The following SLC6A20 variants were observed in gnomAD, a reference collection of about 807,000 sequenced individuals.
SLC6A20 encodes solute carrier family 6 member 20.
In SLC6A20, 73 loss-of-function variants were observed where a neutral mutation model predicts 64.3. The ratio of observed to expected loss-of-function variants is 1.14; its 90% CI spans 0.94 to 1.38. The LOEUF (loss-of-function observed/expected upper bound fraction) is 1.38. Among genes scored for constraint, SLC6A20 ranks in the 40% most tolerant of loss-of-function variants. The pLI, the probability that SLC6A20 is intolerant of heterozygous loss-of-function variation, is 0.00. For synonymous variants in SLC6A20, 347 were observed against 329.6 expected (o/e 1.05, Z -0.57); for missense variants, 725 against 772.8 (o/e 0.94, Z 0.73).
intron 7 of SLC6A20, among the ~76,000 whole-genome samples, chr3:45,766,759 C>T (rs1699783563): frequency 6.6e-6 from 1 of 152,200 alleles, no homozygotes; most frequent in Non-Finnish European, 1.5e-5. Flanking sequence ...TAGGTGTTCA[C>T]GAACCAGGAA....
intron 5 of SLC6A20, 40 bp downstream of exon 5, chr3:45,772,465 G>T: frequency 1.3e-6 from 2 of 1,562,416 alleles, no homozygotes; most frequent in Admixed American, 3.6e-5. Context: ...GGCAGGATAA[G>T]TGAGGGGTGC....
chr3:45,760,095 C>A (rs886198188), intron 9 of SLC6A20, 73 bp from the exon 10 acceptor site: 2 of 1,496,906 alleles, frequency 1.3e-6, no homozygotes, highest in Non-Finnish European at 1.8e-6. Context: ...CTTGCCTGTC[C>A]CTATTCACAA....
chr3:45,772,734 C>T (rs775909622), intron 4 of SLC6A20, 119 bp from the exon 5 acceptor site: 132 of 775,156 alleles, frequency 1.7e-4, no homozygotes, highest in Non-Finnish European at 1.9e-4. Context: ...CTGCTGACAG[C>T]TGGAAAAGGC....
In SLC6A20 at chr3:45,775,847, C is replaced by T. The variant is rs1266890354; in HGVS notation, c.496G>A (p.Val166Met). 6.2e-7 allele frequency: 1 copy of T among 1,614,070 alleles called. No homozygotes were observed. Among genetic ancestry groups the T allele is most frequent in the Non-Finnish European group, 8.5e-7 (1 of 1,180,046 alleles). The stretch of plus-strand genomic sequence containing the variant: ...AGGCACAGCGCCGGCTCCCACTGCA[C>T]ACCCCCGTTCTCCTGGAGGGACGGC... The part of the protein sequence containing the change: ...ISPSLQENGG[V>M]QWEPALCLLL... Residue 166 changes from valine to methionine, a missense_variant, in exon 4 of 11, where the codon GTG becomes ATG. Coordinates refer to ENST00000358525, the MANE Select transcript of SLC6A20 (RefSeq NM_020208.4).
Position 45,775,946 on chromosome 3 carries a change from T to C in SLC6A20, c.397A>G (p.Thr133Ala). 1 of 1,614,172 alleles carries C rather than the reference T, an allele frequency of 6.2e-7. No individual in the cohort carries two copies. Among genetic ancestry groups the C allele is most frequent in the Non-Finnish European group, 8.5e-7 (1 of 1,180,022 alleles). The change falls in exon 4 of 11, where the codon ACG becomes GCG. Residue 133 changes from threonine to alanine, a missense_variant. By Grantham distance (58) the Thr-to-Ala change is moderately conservative. Coordinates refer to ENST00000358525, the MANE Select transcript of SLC6A20 (RefSeq NM_020208.4). ...TTCTCACACTCCTCATCGTAGCCCG[T>C]GTGGTTACCATTCAGTGGGCAGACA... Reference protein sequence around the residue: ...WSVCPLNGNHTGYDEECEKAS... With the variant: ...WSVCPLNGNHAGYDEECEKAS...
Position 45,763,036 on chromosome 3 carries a change from A to G in SLC6A20, c.1340T>C (p.Val447Ala). The G allele has an allele frequency of 6.2e-7, 1 of 1,614,144 alleles. No individual in the cohort carries two copies. The highest frequency in any genetic ancestry group is 1.1e-5 in the South Asian group (1 of 91,080). ...GTAGTTCCCAGCCTCCATCGTGAAC[A>G]CCATGCCAATGGCACAGTTGACAAG... ...VCLVNCAIGM[V>A]FTMEAGNYWF... Residue 447 changes from valine to alanine, a missense_variant, in exon 9 of 11, where the codon GTG becomes GCG. By Grantham distance (64) the Val-to-Ala change is moderately conservative (BLOSUM62 0). Transcript: ENST00000358525.
intron 9 of SLC6A20, among the ~76,000 whole-genome samples, chr3:45,760,696 G>A (rs1699661164): frequency 6.6e-6 from 1 of 152,194 alleles, no homozygotes; most frequent in Admixed American, 6.5e-5. Context: ...GTTAGCAGCA[G>A]CACAACAGCA....
In SLC6A20 at chr3:45,784,177, G is replaced by T. The variant is rs142569429; in HGVS notation, c.122-1954C>A. 4.4e-3 allele frequency among the ~76,000 whole-genome samples: 677 copies of T among 152,282 alleles called. 5 individuals carry two copies. Among genetic ancestry groups the T allele is most frequent in the Middle Eastern group, 0.014 (4 of 294 alleles). ...CCAAGTGGGAACATGGGGGCTGTTT[G>T]GCCCTAGGCATTAATCATTTCTGTC... On this transcript the variant is annotated intron_variant, in intron 1 of 10. Transcript: ENST00000358525.
intron 3 of SLC6A20, among the ~76,000 whole-genome samples, 172 bp downstream of exon 3, chr3:45,779,837 G>A (rs576225473): frequency 6.6e-6 from 1 of 152,364 alleles, no homozygotes; most frequent in African/African-American, 2.4e-5. Context: ...GGGTTCAGAA[G>A]CCCTTCACGT....
In SLC6A20 at chr3:45,781,954, C is replaced by A. The variant is rs1042941380; in HGVS notation, c.262+129G>T. On this transcript the variant is annotated intron_variant, in intron 2 of 10. Coordinates refer to ENST00000358525, the MANE Select transcript of SLC6A20 (RefSeq NM_020208.4). ...ATCCCCACCAGGCCATTTGTTCACCCCAGGCAAGAGCTCTCTCTTGGGCCT... is the reference window on the plus strand; with the variant it reads ...ATCCCCACCAGGCCATTTGTTCACCACAGGCAAGAGCTCTCTCTTGGGCCT... 3.9e-5 allele frequency: 50 copies of A among 1,296,294 alleles called. No individual in the cohort carries two copies. In the Admixed American group the frequency reaches 9.0e-4, roughly 23 times the overall value. 80.3% of individuals were successfully genotyped at this position (1,296,294 alleles called of 1,614,324 possible). A position where few individuals can be genotyped will look rare whatever the true frequency, so the allele number is the denominator to read the frequency against.
At chr3:45,790,982 C>G (rs916980837) in intron 1 of SLC6A20, among the ~76,000 whole-genome samples, 1 of 152,184 alleles carries the variant, frequency 6.6e-6, no homozygotes, top group Non-Finnish European at 1.5e-5. Flanking sequence ...ACCCCTAATT[C>G]TACATGATGA....
chr3:45,775,717 C>T (rs768628666), intron 4 of SLC6A20, 44 bp downstream of exon 4: 2 of 1,569,996 alleles, frequency 1.3e-6, no homozygotes, highest in Middle Eastern at 1.7e-4. Context: ...GGTGCACCCT[C>T]CCACCCACCA....
At chr3:45,773,063 C>A (rs1407587958) in intron 4 of SLC6A20, among the ~76,000 whole-genome samples, 1 of 152,140 alleles carries the variant, frequency 6.6e-6, no homozygotes, top group Non-Finnish European at 1.5e-5. Flanking sequence ...TAAGTCTCTA[C>A]CCAGTTTCTG....
rs892077331 is a variant in SLC6A20, at chr3:45,757,047, C to T, written c.*1931G>A. 5 of 152,074 alleles carry T rather than the reference C, an allele frequency of 3.3e-5. No individual in the cohort carries two copies. Among genetic ancestry groups the T allele is most frequent in the African/African-American group, 7.2e-5 (3 of 41,400 alleles). The allele number at this position is 152,074 out of a possible 1,614,324, so 9.4% of individuals were successfully genotyped here. ...GAAAGGTACTGTGCCCAGATGTGCACGTAGGCTAGATTTATGTTTCTCTTT... is the reference window on the plus strand; with the variant it reads ...GAAAGGTACTGTGCCCAGATGTGCATGTAGGCTAGATTTATGTTTCTCTTT... On this transcript the variant is annotated 3_prime_UTR_variant, in exon 11 of 11. Transcript: ENST00000358525.
chr3:45,762,163 G>T (rs1377120176), intron 9 of SLC6A20, among the ~76,000 whole-genome samples: 1 of 152,248 alleles, frequency 6.6e-6, no homozygotes, highest in African/African-American at 2.4e-5. Context: ...CCGAGCTTCT[G>T]CAGTCCCAAC....
intron 4 of SLC6A20, among the ~76,000 whole-genome samples, chr3:45,774,948 CA>C (rs1332066030): frequency 2.0e-5 from 3 of 152,112 alleles, no homozygotes; most frequent in Non-Finnish European, 4.4e-5. Context: ...GCCAGAATGA[CA>C]CAATGTGGGT....
At chr3:45,777,575 G>A (rs1358875158) in intron 3 of SLC6A20, among the ~76,000 whole-genome samples, 1 of 152,230 alleles carries the variant, frequency 6.6e-6, no homozygotes, top group Non-Finnish European at 1.5e-5. Flanking sequence ...CCTGTAGCTA[G>A]CCTCTCACCC....
At chr3:45,789,753 T>C (rs1178950068) in intron 1 of SLC6A20, among the ~76,000 whole-genome samples, 1 of 152,202 alleles carries the variant, frequency 6.6e-6, no homozygotes, top group African/African-American at 2.4e-5. Context: ...CAGAATTTTT[T>C]CCTAACTTTT....
intron 1 of SLC6A20, among the ~76,000 whole-genome samples, chr3:45,788,247 CCT>C (rs1006173963): frequency 7.0e-5 from 8 of 114,976 alleles, no homozygotes; most frequent in Non-Finnish European, 1.3e-4. Context: ...TTGGTGATAC[CCT>C]GTTTCCAAAA....
Sources: allele counts gnomAD v4.1 joint callset (sites outside exome capture counted in the v4.1 genomes callset), GRCh38; gene constraint gnomAD v4.1.1; transcripts MANE v1.5; gene names NCBI Gene and HGNC (gene_info 2026-07-23, HGNC 2026-07-21).